The following LRBA variants were observed in gnomAD, a reference collection of about 807,000 sequenced individuals.
LRBA encodes the protein lipopolysaccharide-responsive and beige-like anchor protein.
Under a neutral mutation model 330.0 loss-of-function variants are expected in LRBA, and 176 were observed. The ratio of observed to expected loss-of-function variants is 0.53; its 90% CI spans 0.47 to 0.60. LRBA has a LOEUF of 0.60. LRBA is among the 20% of genes least tolerant of loss of function. The pLI is 0.00. For missense variants in LRBA, 3,259 were observed against 3,444.8 expected (o/e 0.95, Z 1.35); for synonymous variants, 1,230 against 1,193.0 (o/e 1.03, Z -0.64).
intron 34 of LRBA, among the ~76,000 whole-genome samples, chr4:150,766,864 A>G (rs1388203962): frequency 1.3e-5 from 2 of 152,194 alleles, no homozygotes; most frequent in African/African-American, 4.8e-5. Flanking sequence ...TCAAAACAAA[A>G]CAAGAGAGTC....
At chr4:150,501,470 G>C (rs905614617) in intron 40 of LRBA, among the ~76,000 whole-genome samples, 28 of 152,114 alleles carry the variant, frequency 1.8e-4, no homozygotes, top group African/African-American at 6.0e-4. Flanking sequence ...AAATTAGCTG[G>C]AGGTGGTGGT....
intron 47 of LRBA, among the ~76,000 whole-genome samples, chr4:150,410,940 GAGAC>G (rs569647653): frequency 5.3e-5 from 8 of 152,252 alleles, no homozygotes; most frequent in Non-Finnish European, 1.2e-4. Context: ...TATATCATAA[GAGAC>G]AGATGATGGG....
chr4:150,979,925 T>C (rs1234160827), intron 2 of LRBA, among the ~76,000 whole-genome samples: 1 of 152,108 alleles, frequency 6.6e-6, no homozygotes, highest in Non-Finnish European at 1.5e-5. Context: ...CCTACTCAAA[T>C]TATTCCGAAA....
At chr4:150,544,544 T>C (rs1456531828) in intron 40 of LRBA, among the ~76,000 whole-genome samples, 5 of 152,204 alleles carry the variant, frequency 3.3e-5, no homozygotes. Flanking sequence ...CTCCTATCCC[T>C]GACCCCCAAA....
chr4:150,536,535 T>G (rs2152213456), intron 40 of LRBA, among the ~76,000 whole-genome samples: 1 of 152,324 alleles, frequency 6.6e-6, no homozygotes, highest in South Asian at 2.1e-4. Context: ...TAGTTGCTGG[T>G]TTTATCATTC....
chr4:150,650,611 C>A (rs1446688834), intron 37 of LRBA, among the ~76,000 whole-genome samples: 2 of 152,060 alleles, frequency 1.3e-5, no homozygotes, highest in Non-Finnish European at 2.9e-5. Context: ...ATTGTACCAA[C>A]CCACTCATGC....
In LRBA at chr4:151,014,722, A is replaced by G. The variant is rs940816979; in HGVS notation, c.-80T>C. ...ACTGGTAATGAGCACAACACACGCAATGCAAAACGAAAGGGTCCCTCTTCC... is the reference window on the plus strand; with the variant it reads ...ACTGGTAATGAGCACAACACACGCAGTGCAAAACGAAAGGGTCCCTCTTCC... On this transcript the variant is annotated 5_prime_UTR_variant, in exon 2 of 57. Transcript: ENST00000651943. 1.1e-5 allele frequency: 10 copies of G among 910,440 alleles called. No homozygotes were observed. Among genetic ancestry groups the G allele is most frequent in the African/African-American group, 1.7e-5 (1 of 59,670 alleles). 56.4% of individuals were successfully genotyped at this position (910,440 alleles called of 1,614,324 possible).
At chr4:150,751,422 A>G (rs1733529612) in intron 35 of LRBA, among the ~76,000 whole-genome samples, 2 of 152,110 alleles carry the variant, frequency 1.3e-5, no homozygotes, top group Non-Finnish European at 2.9e-5. Flanking sequence ...TTAAACTAAT[A>G]AGATATCTAA....
intron 35 of LRBA, among the ~76,000 whole-genome samples, chr4:150,753,436 T>C (rs1733828930): frequency 1.3e-5 from 2 of 152,344 alleles, no homozygotes; most frequent in Admixed American, 1.3e-4. Context: ...AGTTCCGTTT[T>C]TCACCTATCC....
intron 37 of LRBA, among the ~76,000 whole-genome samples, chr4:150,662,812 T>C (rs1165170647): frequency 6.6e-6 from 1 of 151,834 alleles, no homozygotes; most frequent in African/African-American, 2.4e-5. Flanking sequence ...ACAAAAAAAT[T>C]AAAAAATTAG....
At chr4:150,295,828 C>T (rs1728913668) in intron 53 of LRBA, among the ~76,000 whole-genome samples, 1 of 152,172 alleles carries the variant, frequency 6.6e-6, no homozygotes, top group South Asian at 2.1e-4. Flanking sequence ...GACTTCATTA[C>T]ATGGACATAT....
intron 40 of LRBA, among the ~76,000 whole-genome samples, chr4:150,522,600 G>C (rs1763037081): frequency 1.3e-5 from 2 of 152,106 alleles, no homozygotes; most frequent in African/African-American, 2.4e-5. Flanking sequence ...TGGTAACTTG[G>C]GGCTCACCAA....
At chr4:150,856,354 C>T (rs1751231507) in intron 22 of LRBA, among the ~76,000 whole-genome samples, 1 of 151,814 alleles carries the variant, frequency 6.6e-6, no homozygotes, top group Non-Finnish European at 1.5e-5. Flanking sequence ...CTGGAGATCC[C>T]CTTCATCTCT....
At chr4:150,334,264 T>A (rs1039838674) in intron 48 of LRBA, among the ~76,000 whole-genome samples, 7 of 152,108 alleles carry the variant, frequency 4.6e-5, no homozygotes, top group African/African-American at 1.7e-4. Context: ...CACCAGGATA[T>A]GGAATATTTA....
intron 54 of LRBA, among the ~76,000 whole-genome samples, chr4:150,283,897 T>TA (rs1432427706): frequency 2.0e-5 from 3 of 152,234 alleles, no homozygotes; most frequent in Non-Finnish European, 4.4e-5. Flanking sequence ...CATTATCTGT[T>TA]ATTCAGTTCC....
rs1311982370 is a variant in LRBA, at chr4:150,335,744, T to G, written c.7363-9846A>C. 3.9e-5 allele frequency among the ~76,000 whole-genome samples: 6 copies of G among 152,314 alleles called. No individual in the cohort carries two copies. In the East Asian group the frequency reaches 1.2e-3, roughly 29 times the overall value. On this transcript the variant is annotated intron_variant, in intron 48 of 56. Transcript: ENST00000651943. Reference sequence around the variant, plus strand: ...TAGGATTTCACTTTGTCACCCAGGCTGGAGTGCAGTGATATGATCTCAGCT... The same window carrying G: ...TAGGATTTCACTTTGTCACCCAGGCGGGAGTGCAGTGATATGATCTCAGCT...
intron 40 of LRBA, among the ~76,000 whole-genome samples, chr4:150,537,791 C>T (rs1484875161): frequency 6.6e-6 from 1 of 152,022 alleles, no homozygotes; most frequent in Non-Finnish European, 1.5e-5. Flanking sequence ...ACCATCTCTA[C>T]TAAAAATACA....
chr4:150,310,422 C>T, intron 51 of LRBA, 38 bp from the exon 52 acceptor site: 1 of 1,497,622 alleles, frequency 6.7e-7, no homozygotes, highest in Non-Finnish European at 9.3e-7. Context: ...ATTAAATCCA[C>T]ATGGGCAAAG....
At chr4:150,550,420 T>TA in intron 40 of LRBA, among the ~76,000 whole-genome samples, 1 of 152,284 alleles carries the variant, frequency 6.6e-6, no homozygotes. Context: ...GCAAGTATCT[T>TA]AAAAATGATT....
Sources: gnomAD v4.1 joint callset for allele counts (sites outside exome capture counted in the v4.1 genomes callset) on GRCh38, gnomAD v4.1.1 for gene constraint, MANE v1.5 for transcripts, NCBI Gene and HGNC (gene_info 2026-07-23, HGNC 2026-07-21) for gene names.